PKP4: variants seen among roughly 807,000 people sequenced by gnomAD.
PKP4 encodes plakophilin-4.
PKP4 carries 90 observed loss-of-function variants against 145.1 expected under a neutral mutation model. That is an observed-to-expected ratio of 0.62 (90% confidence interval 0.52 to 0.74). The LOEUF is 0.74. Among genes scored for constraint, PKP4 ranks in the 30% least tolerant of loss-of-function variants. The pLI, the probability that PKP4 is intolerant of heterozygous loss-of-function variation, is 0.00. For synonymous variants in PKP4, 563 were observed against 577.2 expected (o/e 0.98, Z 0.35); for missense variants, 1,340 against 1,482.7 (o/e 0.90, Z 1.58).
intron 19 of PKP4, among the ~76,000 whole-genome samples, chr2:158,675,668 T>C (rs937432586): frequency 1.3e-5 from 2 of 152,162 alleles, no homozygotes; most frequent in Non-Finnish European, 2.9e-5. Context: ...GCTGATGTCA[T>C]TGGAGGCAGG....
At chr2:158,666,790 C>T in intron 16 of PKP4, 1 of 389,414 alleles carries the variant, frequency 2.6e-6, no homozygotes, top group Non-Finnish European at 4.6e-6. Flanking sequence ...TTCAGAAAGG[C>T]CAGCAATTTT....
intron 1 of PKP4, among the ~76,000 whole-genome samples, chr2:158,520,317 G>A (rs904288579): frequency 1.3e-5 from 2 of 152,114 alleles, no homozygotes; most frequent in African/African-American, 2.4e-5. Flanking sequence ...ACAGGGCTGA[G>A]GGTATTATAT....
intron 1 of PKP4, among the ~76,000 whole-genome samples, chr2:158,509,488 G>A (rs1312006475): frequency 6.6e-6 from 1 of 152,114 alleles, no homozygotes; most frequent in Non-Finnish European, 1.5e-5. Context: ...AACAGGTGAT[G>A]TTTCAGTATA....
chr2:158,457,628 T>C, intron 1 of PKP4: 1 of 152,678 alleles, frequency 6.5e-6, no homozygotes. Context: ...GCGCCCCAAG[T>C]CGCCCTCGAC....
In PKP4 at chr2:158,527,861, A is replaced by G. The variant is rs1574301427; in HGVS notation, c.-5-5319A>G. ...AGACACTTCTCAAAAGAAGACATTTATGCAGCCAAAAAATACATGAAAAAA... is the reference window on the plus strand; with the variant it reads ...AGACACTTCTCAAAAGAAGACATTTGTGCAGCCAAAAAATACATGAAAAAA... On this transcript the variant is annotated intron_variant, in intron 1 of 21. Coordinates refer to ENST00000389759, the MANE Select transcript of PKP4 (RefSeq NM_003628.6). 1.7e-4 allele frequency among the ~76,000 whole-genome samples: 4 copies of G among 23,126 alleles called. No homozygotes were observed. The South Asian group carries it at 5.6e-3, about 32-fold the overall frequency. 15.2% of individuals were successfully genotyped at this position (23,126 alleles called of 152,430 possible). A position where few individuals can be genotyped will look rare whatever the true frequency, so the allele number is the denominator to read the frequency against.
chr2:158,642,525 C>G lies in PKP4; in HGVS notation c.1735C>G (p.Leu579Val). Residue 579 changes from leucine (L) to valine (V), a missense_variant, in exon 11 of 22, where the codon CTG becomes GTG. Physicochemically the swap from Leu to Val is conservative, Grantham distance 32 (BLOSUM62 1). Coordinates refer to ENST00000389759, the MANE Select transcript of PKP4 (RefSeq NM_003628.6). ...GGGAATCAAGCATCTGGTTGACCTT[C>G]TGGACCACAGAGTTTTGGAAGTTCA... Reference protein sequence around the residue: ...LGGIKHLVDLLDHRVLEVQKN... With the variant: ...LGGIKHLVDLVDHRVLEVQKN... 3.1e-6 allele frequency: 5 copies of G among 1,613,218 alleles called. No homozygotes were observed. The highest frequency in any genetic ancestry group is 1.7e-4 in the Middle Eastern group (1 of 6,056).
intron 1 of PKP4, among the ~76,000 whole-genome samples, chr2:158,480,253 T>C (rs1002117445): frequency 1.3e-5 from 2 of 152,222 alleles, no homozygotes; most frequent in Non-Finnish European, 2.9e-5. Flanking sequence ...TTTTATTTTA[T>C]TGAGACAGAG....
intron 4 of PKP4, among the ~76,000 whole-genome samples, chr2:158,605,111 AT>A (rs1363734425): frequency 1.2e-4 from 18 of 152,346 alleles, no homozygotes; most frequent in African/African-American, 4.3e-4. Flanking sequence ...TCAACAAAGT[AT>A]TCCAAGGGCC....
chr2:158,617,612 T>G (rs1369810873), intron 4 of PKP4, among the ~76,000 whole-genome samples: 1 of 152,202 alleles, frequency 6.6e-6, no homozygotes, highest in African/African-American at 2.4e-5. Flanking sequence ...AAATAATACA[T>G]AATTGGTAAA....
rs1575169396 is a variant in PKP4 at position 158,680,501 on chromosome 2, TCTC to T, written c.3407_3409del (p.Pro1136del). On this transcript the variant is annotated inframe_deletion, in exon 22 of 22. Coordinates refer to ENST00000389759, the MANE Select transcript of PKP4 (RefSeq NM_003628.6). ...TGATGCATACAGATTGTATTTGCAG[TCTC>T]CTCATAGCTATGAAGATCCTTATTT... 1 of 1,613,352 alleles carries T rather than the reference TCTC, an allele frequency of 6.2e-7. No individual in the cohort carries two copies. Among genetic ancestry groups the T allele is most frequent in the Non-Finnish European group, 8.5e-7 (1 of 1,179,294 alleles).
Position 158,603,058 on chromosome 2 carries a change from C to G in PKP4, c.246-12C>G, listed in dbSNP as rs1243594232. On this transcript the variant is annotated splice_polypyrimidine_tract_variant and intron_variant, in intron 3 of 21. Transcript: ENST00000389759. ...AAATAAATGTTCCATTTTTTTCTTT[C>G]TTTTTCTTTAGCTCAACTGAGAAGT... 2.7e-6 allele frequency: 4 copies of G among 1,467,070 alleles called. No homozygotes were observed. Among genetic ancestry groups the G allele is most frequent in the Non-Finnish European group, 2.8e-6 (3 of 1,083,644 alleles). The allele number at this position is 1,467,070 out of a possible 1,614,324, so 90.9% of individuals were successfully genotyped here. A position where few individuals can be genotyped will look rare whatever the true frequency, so the allele number is the denominator to read the frequency against.
At chr2:158,675,246 T>C (rs2057904926) in intron 19 of PKP4, among the ~76,000 whole-genome samples, 1 of 152,170 alleles carries the variant, frequency 6.6e-6, no homozygotes, top group Non-Finnish European at 1.5e-5. Flanking sequence ...ATGGGTTTTA[T>C]GCGTCCCAGG....
chr2:158,640,830 A>G, intron 10 of PKP4, 71 bp downstream of exon 10: 1 of 1,504,980 alleles, frequency 6.6e-7, no homozygotes. Context: ...GTGCTTCTGT[A>G]TTTAAGAAAT....
chr2:158,524,436 A>C (rs2042747386), intron 1 of PKP4, among the ~76,000 whole-genome samples: 1 of 123,432 alleles, frequency 8.1e-6, no homozygotes, highest in African/African-American at 3.2e-5. Context: ...AAATGCTGAG[A>C]GATTTTGTCA....
intron 1 of PKP4, among the ~76,000 whole-genome samples, chr2:158,506,056 G>T (rs928502726): frequency 6.6e-6 from 1 of 152,208 alleles, no homozygotes; most frequent in Non-Finnish European, 1.5e-5. Context: ...AAAAAGAATG[G>T]TTGTGTAAAT....
chr2:158,678,382 G>A (rs564707713), intron 20 of PKP4, among the ~76,000 whole-genome samples, 199 bp from the exon 21 acceptor site: 34 of 152,040 alleles, frequency 2.2e-4, no homozygotes, highest in Admixed American at 1.2e-3. Flanking sequence ...TTTGCCATTA[G>A]CCCCCACCAG....
At chr2:158,558,341 A>G (rs1191976640) in intron 2 of PKP4, among the ~76,000 whole-genome samples, 1 of 152,160 alleles carries the variant, frequency 6.6e-6, no homozygotes, top group Middle Eastern at 3.2e-3. Flanking sequence ...AAAACTGGAA[A>G]AAGCAGTATT....
At chr2:158,556,899 TAA>T (rs2046142052) in intron 2 of PKP4, among the ~76,000 whole-genome samples, 1 of 152,200 alleles carries the variant, frequency 6.6e-6, no homozygotes, top group African/African-American at 2.4e-5. Flanking sequence ...ATATTATTTT[TAA>T]GAGATTATTA....
At chr2:158,480,247 A>G (rs1693140327) in intron 1 of PKP4, among the ~76,000 whole-genome samples, 1 of 152,028 alleles carries the variant, frequency 6.6e-6, no homozygotes, top group Admixed American at 6.6e-5. Context: ...TTTTTATTTT[A>G]TTTTATTGAG....
Sources: gnomAD v4.1 joint callset for allele counts (sites outside exome capture counted in the v4.1 genomes callset) on GRCh38, gnomAD v4.1.1 for gene constraint, MANE v1.5 for transcripts, NCBI Gene and HGNC (gene_info 2026-07-23, HGNC 2026-07-21) for gene names.